The following FOXN2 variants were observed in gnomAD, a reference collection of about 807,000 sequenced individuals.
The protein encoded by FOXN2 is forkhead box protein N2.
FOXN2 carries 19 observed loss-of-function variants against 41.2 expected under a neutral mutation model. That is an observed-to-expected ratio of 0.46 (90% CI 0.32 to 0.68). The LOEUF (loss-of-function observed/expected upper bound fraction) is 0.68, where lower values mean the gene tolerates loss of function less well. Among genes scored for constraint, FOXN2 ranks in the 30% least tolerant of loss-of-function variants. The pLI is 0.03. For missense variants in FOXN2, 587 were observed against 509.4 expected (o/e 1.15, Z -1.47); for synonymous variants, 195 against 176.8 (o/e 1.10, Z -0.82).
At position 48,327,992 on chromosome 2, in the gene FOXN2, C is replaced by A. The variant is rs565428835; in HGVS notation, c.-156-569C>A. Among the ~76,000 whole-genome samples the A allele has an allele frequency of 9.9e-5, 15 of 152,196 alleles. No homozygotes were observed. The South Asian group carries it at 2.9e-3, about 29-fold the overall frequency. ...GCTATTAGTAAGGTATCATTGTCTG[C>A]ATTTATTAGATTTATTTCTGATCAT... On this transcript the variant is annotated intron_variant, in intron 1 of 6. Coordinates refer to ENST00000340553, the MANE Select transcript of FOXN2 (RefSeq NM_002158.4).
Position 48,329,748 on chromosome 2 carries a change from A to T in FOXN2, c.-15+1046A>T, listed in dbSNP as rs183799906. Among the ~76,000 whole-genome samples, 17 of 152,304 alleles carry T rather than the reference A, an allele frequency of 1.1e-4. No homozygotes were observed. In the East Asian group the frequency reaches 3.3e-3, roughly 29 times the overall value. On this transcript the variant is annotated intron_variant, in intron 2 of 6. Transcript: ENST00000340553. ...TCAGTATTGGATTTTATGGGGATAG[A>T]CATTATTTATAATGGAGAATCTTAA...
intron 1 of FOXN2, among the ~76,000 whole-genome samples, chr2:48,325,887 C>T (rs995885353): frequency 6.7e-5 from 9 of 133,600 alleles, no homozygotes; most frequent in Admixed American, 3.4e-4. Context: ...TTTCCTCAGT[C>T]GCCCAGGCTG....
intron 2 of FOXN2, among the ~76,000 whole-genome samples, chr2:48,337,086 C>T (rs1441880338): frequency 6.6e-6 from 1 of 151,558 alleles, no homozygotes; most frequent in Non-Finnish European, 1.5e-5. Context: ...ATTAACCACC[C>T]CCACCTCCCT....
intron 2 of FOXN2, among the ~76,000 whole-genome samples, chr2:48,343,351 A>G (rs1670891845): frequency 6.6e-6 from 1 of 152,206 alleles, no homozygotes. Context: ...ACCTTTTTGC[A>G]GAATAGACAA....
intron 1 of FOXN2, among the ~76,000 whole-genome samples, chr2:48,322,280 A>T (rs1023944104): frequency 6.6e-6 from 1 of 151,978 alleles, no homozygotes; most frequent in African/African-American, 2.4e-5. Context: ...GCAGCAGTTT[A>T]TTTTCCTAAA....
intron 6 of FOXN2, among the ~76,000 whole-genome samples, chr2:48,374,677 C>T (rs7577237): frequency 0.34 from 50,977 of 151,974 alleles, 8,697 homozygotes; most frequent in East Asian, 0.46. Context: ...TGAGGCATTC[C>T]TTGTAAGCAA....
At chr2:48,343,883 A>T (rs1339390244) in intron 2 of FOXN2, among the ~76,000 whole-genome samples, 1 of 152,210 alleles carries the variant, frequency 6.6e-6, no homozygotes, top group Non-Finnish European at 1.5e-5. Context: ...TATGACATAG[A>T]ATCTGTAATG....
Position 48,346,410 on chromosome 2 carries a change from A to G in FOXN2, c.196A>G (p.Thr66Ala). The change falls in exon 3 of 7, where the codon ACT becomes GCT. Residue 66 changes from threonine (T) to alanine (A), a missense_variant. Thr to Ala is a moderately conservative substitution (Grantham distance 58). Transcript: ENST00000340553. ...AAACTTGAACTGGCTTCATGAAAGC[A>G]CTAATCTTCTAACAAACTTCAGCCT... ...LTNLNWLHES[T>A]NLLTNFSLGS... The G allele has an allele frequency of 1.9e-6, 3 of 1,614,232 alleles. No individual in the cohort carries two copies. Among genetic ancestry groups the G allele is most frequent in the Non-Finnish European group, 2.5e-6 (3 of 1,180,032 alleles).
chr2:48,356,927 C>CCGTA (rs1162229903), intron 3 of FOXN2, among the ~76,000 whole-genome samples: 2 of 152,150 alleles, frequency 1.3e-5, no homozygotes, highest in Non-Finnish European at 2.9e-5. Flanking sequence ...TTTCCTGTTT[C>CCGTA]CGTAGCACAG....
At position 48,337,168 on chromosome 2, in the gene FOXN2, A is replaced by G. The variant is rs1168970006; in HGVS notation, c.-15+8466A>G. Among the ~76,000 whole-genome samples the G allele has an allele frequency of 2.6e-5, 4 of 151,618 alleles. No homozygotes were observed. The East Asian group carries it at 7.7e-4, about 29-fold the overall frequency. Reference sequence around the variant, plus strand: ...CTACTCTTAGACGTTCATGATTTCAATTCATTTGATTTTTAGATTCTATGA... The same window carrying G: ...CTACTCTTAGACGTTCATGATTTCAGTTCATTTGATTTTTAGATTCTATGA... On this transcript the variant is annotated intron_variant, in intron 2 of 6. Transcript: ENST00000340553.
intron 2 of FOXN2, among the ~76,000 whole-genome samples, chr2:48,334,822 A>T (rs1433195579): frequency 6.6e-6 from 1 of 152,334 alleles, no homozygotes; most frequent in Admixed American, 6.5e-5. Flanking sequence ...AGAGTGATAT[A>T]GAAATTATTT....
chr2:48,368,629 T>C (rs1226068094), intron 5 of FOXN2, among the ~76,000 whole-genome samples: 1 of 152,182 alleles, frequency 6.6e-6, no homozygotes, highest in Non-Finnish European at 1.5e-5. Context: ...GAGGTGAAGG[T>C]TGCAGTGAGC....
At chr2:48,314,311 G>C (rs1572679301), upstream of FOXN2, among the ~76,000 whole-genome samples, 1 of 152,252 alleles carries the variant, frequency 6.6e-6, no homozygotes, top group African/African-American at 2.4e-5. Context: ...ACTCCTATAG[G>C]TCCTTCCTCG....
intron 1 of FOXN2, among the ~76,000 whole-genome samples, chr2:48,320,497 G>A (rs1238607150): frequency 6.6e-6 from 1 of 151,954 alleles, no homozygotes; most frequent in African/African-American, 2.4e-5. Context: ...CACCATGTTG[G>A]CCAGGCTGGT....
Position 48,372,179 on chromosome 2 carries a change from T to A in FOXN2, c.704-1113T>A, listed in dbSNP as rs1476741613. Among the ~76,000 whole-genome samples the A allele has an allele frequency of 3.9e-5, 6 of 152,134 alleles. No homozygotes were observed. The East Asian group carries it at 1.2e-3, about 29-fold the overall frequency. On this transcript the variant is annotated intron_variant, in intron 5 of 6. Coordinates refer to ENST00000340553, the MANE Select transcript of FOXN2 (RefSeq NM_002158.4). The stretch of plus-strand genomic sequence containing the variant: ...TTAGCTGTGGATCATGAGGTCACAT[T>A]TTACTTGGGGAAAAAGAGGTAAAGT...
chr2:48,364,938 T>C (rs1437456332), intron 5 of FOXN2, among the ~76,000 whole-genome samples: 1 of 152,250 alleles, frequency 6.6e-6, no homozygotes, highest in Admixed American at 6.5e-5. Context: ...ATATTTCTCC[T>C]GTAGGTTATT....
At position 48,375,680 on chromosome 2, in the gene FOXN2, A is replaced by C. The variant is rs112260219; in HGVS notation, c.*237A>C. 2 of 360,130 alleles carry C rather than the reference A, an allele frequency of 5.6e-6. No individual in the cohort carries two copies. 22.3% of individuals were successfully genotyped at this position (360,130 alleles called of 1,614,324 possible). On this transcript the variant is annotated 3_prime_UTR_variant, in exon 7 of 7. Transcript: ENST00000340553. ...CATAATTTTTGTGATAAATGTGTCCAAGATTTGAAAATTTTTATATAAGAA... is the reference window on the plus strand; with the variant it reads ...CATAATTTTTGTGATAAATGTGTCCCAGATTTGAAAATTTTTATATAAGAA...
At chr2:48,322,748 C>G (rs1288417195) in intron 1 of FOXN2, among the ~76,000 whole-genome samples, 2 of 147,944 alleles carry the variant, frequency 1.4e-5, no homozygotes, top group African/African-American at 2.5e-5. Flanking sequence ...ATATATATTT[C>G]TGATATATTT....
At chr2:48,330,968 C>T (rs1383230263) in intron 2 of FOXN2, among the ~76,000 whole-genome samples, 1 of 152,024 alleles carries the variant, frequency 6.6e-6, no homozygotes, top group Non-Finnish European at 1.5e-5. Flanking sequence ...TTCCTCAGGC[C>T]CCTTGGTACA....
Sources: gnomAD v4.1 joint callset for allele counts (sites outside exome capture counted in the v4.1 genomes callset) on GRCh38, gnomAD v4.1.1 for gene constraint, MANE v1.5 for transcripts, NCBI Gene and HGNC (gene_info 2026-07-23, HGNC 2026-07-21) for gene names.